Variants in GALNT17 observed in about 807,000 individuals in gnomAD.
GALNT17 encodes the protein polypeptide N-acetylgalactosaminyltransferase 17.
Under a neutral mutation model 63.7 loss-of-function variants are expected in GALNT17, and 29 were observed. That is an observed-to-expected ratio of 0.46 (90% CI 0.34 to 0.62). The LOEUF (loss-of-function observed/expected upper bound fraction) is 0.62. Among genes scored for constraint, GALNT17 ranks in the 20% least tolerant of loss-of-function variants. The pLI, the probability that GALNT17 is intolerant of heterozygous loss-of-function variation, is 0.01. For synonymous variants in GALNT17, 305 were observed against 318.3 expected, an observed-to-expected ratio of 0.96 and a Z score of 0.45; for missense variants, 603 against 799.6, an observed-to-expected ratio of 0.75 and a Z score of 2.97.
intron 9 of GALNT17, among the ~76,000 whole-genome samples, chr7:71,694,465 C>A (rs1791510461): frequency 6.7e-6 from 1 of 149,458 alleles, no homozygotes; most frequent in South Asian, 2.1e-4. Context: ...TTAAGCAATT[C>A]TCCTGCTGCA....
chr7:71,493,493 C>G (rs1014242076), intron 5 of GALNT17, among the ~76,000 whole-genome samples: 9 of 152,088 alleles, frequency 5.9e-5, no homozygotes, highest in Non-Finnish European at 1.2e-4. Context: ...GCCTCACAAT[C>G]ACGGTGGAAG....
At chr7:71,242,253 TTTTTTTC>T (rs1790009622) in intron 1 of GALNT17, among the ~76,000 whole-genome samples, 1 of 147,932 alleles carries the variant, frequency 6.8e-6, no homozygotes, top group African/African-American at 2.5e-5. Flanking sequence ...TCTTTTTTTT[TTTTTTTC>T]TTTTTCTTTT....
At chr7:71,252,300 G>A (rs1213491156) in intron 1 of GALNT17, among the ~76,000 whole-genome samples, 2 of 151,634 alleles carry the variant, frequency 1.3e-5, no homozygotes, top group Non-Finnish European at 2.9e-5. Context: ...GCTGAGGCAG[G>A]CGGATCACAA....
intron 5 of GALNT17, among the ~76,000 whole-genome samples, chr7:71,425,092 G>A (rs960071088): frequency 6.6e-6 from 1 of 152,094 alleles, no homozygotes; most frequent in Admixed American, 6.6e-5. Context: ...ATAGCAAGTG[G>A]GCAAGTGCCA....
chr7:71,252,275 C>T (rs555160025), intron 1 of GALNT17, among the ~76,000 whole-genome samples: 3 of 151,526 alleles, frequency 2.0e-5, no homozygotes, highest in South Asian at 4.2e-4. Flanking sequence ...GCCTGTAATC[C>T]CAGCACTTTG....
At chr7:71,625,274 A>G (rs758765689) in intron 6 of GALNT17, among the ~76,000 whole-genome samples, 1 of 152,112 alleles carries the variant, frequency 6.6e-6, no homozygotes, top group Non-Finnish European at 1.5e-5. Flanking sequence ...CCTCCCGAGT[A>G]GCTGGAATTA....
intron 5 of GALNT17, among the ~76,000 whole-genome samples, chr7:71,527,499 G>C (rs910677577): frequency 6.6e-6 from 1 of 152,078 alleles, no homozygotes; most frequent in Non-Finnish European, 1.5e-5. Context: ...CTCATTTCTG[G>C]CCTGATTATC....
chr7:71,247,821 T>C (rs1001184253), intron 1 of GALNT17, among the ~76,000 whole-genome samples: 1 of 152,206 alleles, frequency 6.6e-6, no homozygotes, highest in South Asian at 2.1e-4. Context: ...ATACTATGTA[T>C]GTCATATGTA....
In GALNT17 at chr7:71,191,499, T is replaced by A. The variant is rs186807107; in HGVS notation, c.238+58459T>A. 4.5e-4 allele frequency among the ~76,000 whole-genome samples: 68 copies of A among 152,324 alleles called. 1 individual carries two copies. The East Asian group carries it at 8.3e-3, about 19-fold the overall frequency. ...CAGCAGGAAAGCAGTGTAGACAATA[T>A]GTAAATAACTGCATGTGGCTATGTT... On this transcript the variant is annotated intron_variant, in intron 1 of 10. Transcript: ENST00000333538.
At chr7:71,508,249 G>A (rs994241500) in intron 5 of GALNT17, among the ~76,000 whole-genome samples, 8 of 152,200 alleles carry the variant, frequency 5.3e-5, no homozygotes, top group South Asian at 4.1e-4. Context: ...CACCGTAAGC[G>A]TGTGACATTG....
intron 5 of GALNT17, among the ~76,000 whole-genome samples, chr7:71,460,297 A>G (rs920066474): frequency 6.6e-6 from 1 of 152,210 alleles, no homozygotes; most frequent in Non-Finnish European, 1.5e-5. Context: ...GGGAGGGAAA[A>G]GTAAGCTACC....
At chr7:71,631,375 T>C (rs1790450876) in intron 6 of GALNT17, among the ~76,000 whole-genome samples, 1 of 151,886 alleles carries the variant, frequency 6.6e-6, no homozygotes, top group Non-Finnish European at 1.5e-5. Flanking sequence ...TAATATTTTG[T>C]AGAGAGGTCT....
intron 2 of GALNT17, among the ~76,000 whole-genome samples, chr7:71,387,560 A>T (rs956799795): frequency 3.3e-5 from 5 of 152,096 alleles, no homozygotes; most frequent in Non-Finnish European, 7.4e-5. Flanking sequence ...TCCTGGCCTC[A>T]AGCGACGCTC....
At chr7:71,632,528 G>A (rs1020215826) in intron 6 of GALNT17, among the ~76,000 whole-genome samples, 4 of 152,198 alleles carry the variant, frequency 2.6e-5, no homozygotes, top group Non-Finnish European at 5.9e-5. Flanking sequence ...AAGCTCAAAA[G>A]CACAAGCACT....
At chr7:71,177,438 A>T (rs750388204) in intron 1 of GALNT17, among the ~76,000 whole-genome samples, 9 of 152,070 alleles carry the variant, frequency 5.9e-5, no homozygotes, top group Non-Finnish European at 1.2e-4. Context: ...TTATTTGAAA[A>T]CCATGGCTGA....
At chr7:71,616,056 GT>G (rs1055737284) in intron 6 of GALNT17, among the ~76,000 whole-genome samples, 2 of 148,436 alleles carry the variant, frequency 1.3e-5, no homozygotes, top group Admixed American at 1.3e-4. Flanking sequence ...CTGAGTGTCT[GT>G]AAGATTGAAC....
At chr7:71,700,848 C>T (rs10275110) in intron 9 of GALNT17, among the ~76,000 whole-genome samples, 20,633 of 152,120 alleles carry the variant, frequency 0.14, 1,806 homozygotes, top group East Asian at 0.26. Flanking sequence ...TGCCTTTTTA[C>T]TTGCCTGACT....
chr7:71,216,017 T>A (rs1410461704), intron 1 of GALNT17, among the ~76,000 whole-genome samples: 1 of 151,730 alleles, frequency 6.6e-6, no homozygotes, highest in Non-Finnish European at 1.5e-5. Context: ...AACACTAGCC[T>A]AGGCAATATC....
intron 2 of GALNT17, among the ~76,000 whole-genome samples, chr7:71,338,702 T>A (rs1791956296): frequency 6.6e-6 from 1 of 152,214 alleles, no homozygotes; most frequent in Non-Finnish European, 1.5e-5. Flanking sequence ...CTCAAACAGA[T>A]TCTCCATTTT....
Sources: gnomAD v4.1 joint callset for allele counts (sites outside exome capture counted in the v4.1 genomes callset) on GRCh38, gnomAD v4.1.1 for gene constraint, MANE v1.5 for transcripts, NCBI Gene and HGNC (gene_info 2026-07-23, HGNC 2026-07-21) for gene names.